The following SGCZ variants were observed in gnomAD, a reference collection of about 807,000 sequenced individuals.
SGCZ encodes the protein zeta-sarcoglycan.
In SGCZ, 40 loss-of-function variants were observed where a neutral mutation model predicts 41.3. The ratio of observed to expected loss-of-function variants is 0.97; its 90% CI spans 0.75 to 1.26. The LOEUF (loss-of-function observed/expected upper bound fraction) is 1.26, where lower values mean the gene tolerates loss of function less well. Among genes scored for constraint, SGCZ ranks in the 50% most tolerant of loss-of-function variants. SGCZ has a pLI of 0.00. For synonymous variants in SGCZ, 206 were observed against 137.5 expected, an observed-to-expected ratio of 1.50 and a Z score of -3.49; for missense variants, 552 against 369.8, an observed-to-expected ratio of 1.49 and a Z score of -4.04.
At chr8:14,170,460 G>A (rs1804344351) in intron 4 of SGCZ, among the ~76,000 whole-genome samples, 1 of 151,998 alleles carries the variant, frequency 6.6e-6, no homozygotes, top group South Asian at 2.1e-4. Flanking sequence ...TACCTAGCAA[G>A]CCATTTAATA....
chr8:15,014,879 A>C (rs1307899792), intron 1 of SGCZ, among the ~76,000 whole-genome samples: 1 of 152,212 alleles, frequency 6.6e-6, no homozygotes, highest in Non-Finnish European at 1.5e-5. Context: ...CTTTAGGCAA[A>C]AATAAGCTGG....
chr8:14,529,274 G>A (rs139556173), intron 2 of SGCZ, among the ~76,000 whole-genome samples: 1,824 of 152,180 alleles, frequency 0.012, 37 homozygotes, highest in African/African-American at 0.042. Flanking sequence ...GACACACCTG[G>A]GGAAAGCCCA....
At chr8:14,641,038 T>C (rs1419025792) in intron 1 of SGCZ, among the ~76,000 whole-genome samples, 1 of 151,646 alleles carries the variant, frequency 6.6e-6, no homozygotes, top group East Asian at 1.9e-4. Flanking sequence ...TAGAAAATTA[T>C]AAACAGGAAG....
At chr8:15,017,360 C>T (rs764089287) in intron 1 of SGCZ, among the ~76,000 whole-genome samples, 21 of 152,316 alleles carry the variant, frequency 1.4e-4, no homozygotes, top group Admixed American at 5.2e-4. Flanking sequence ...TCACTGCACA[C>T]GTACAGTGAG....
At chr8:14,398,705 T>A (rs532245133) in intron 2 of SGCZ, among the ~76,000 whole-genome samples, 145 of 152,238 alleles carry the variant, frequency 9.5e-4, no homozygotes, top group African/African-American at 3.4e-3. Context: ...TCTTCCTGAT[T>A]TACAGAAATA....
At chr8:14,988,263 TA>T (rs33980927) in intron 1 of SGCZ, among the ~76,000 whole-genome samples, 1 of 151,590 alleles carries the variant, frequency 6.6e-6, no homozygotes, top group Non-Finnish European at 1.5e-5. Context: ...CTCCATCTTC[TA>T]AAAAAACTCT....
At chr8:14,559,615 A>G (rs1047335617) in intron 1 of SGCZ, among the ~76,000 whole-genome samples, 4 of 152,070 alleles carry the variant, frequency 2.6e-5, no homozygotes, top group Non-Finnish European at 4.4e-5. Flanking sequence ...TTGGTTTTCC[A>G]TCTTTTTGTT....
chr8:14,551,700 T>C (rs1177109398), intron 2 of SGCZ, among the ~76,000 whole-genome samples: 4 of 124,670 alleles, frequency 3.2e-5, no homozygotes, highest in East Asian at 2.3e-4. Context: ...CAGGAAATTA[T>C]TTATTTCTAT....
At chr8:14,554,947 A>T (rs1803988073) in intron 1 of SGCZ, 21 bp from the exon 2 acceptor site, 2 of 1,522,420 alleles carry the variant, frequency 1.3e-6, no homozygotes. Flanking sequence ...AAAAAGAAAG[A>T]AAGAGAAAGA....
intron 1 of SGCZ, among the ~76,000 whole-genome samples, chr8:14,755,003 T>C (rs1462867661): frequency 6.6e-6 from 1 of 152,240 alleles, no homozygotes; most frequent in Non-Finnish European, 1.5e-5. Flanking sequence ...GTTCTAGGAT[T>C]ACAGGCATCA....
chr8:15,118,858 C>A (rs1452471772), intron 1 of SGCZ, among the ~76,000 whole-genome samples: 1 of 152,114 alleles, frequency 6.6e-6, no homozygotes, highest in Non-Finnish European at 1.5e-5. Flanking sequence ...TAATACGATA[C>A]CTGCTGCTAT....
At chr8:14,807,389 A>T (rs1451730406) in intron 1 of SGCZ, among the ~76,000 whole-genome samples, 1 of 152,134 alleles carries the variant, frequency 6.6e-6, no homozygotes, top group East Asian at 1.9e-4. Context: ...AAGTCTCAGG[A>T]CACAAAATCA....
intron 2 of SGCZ, among the ~76,000 whole-genome samples, chr8:14,385,609 G>C (rs1804548018): frequency 6.6e-6 from 1 of 152,102 alleles, no homozygotes; most frequent in Non-Finnish European, 1.5e-5. Flanking sequence ...TTTGAGTGTA[G>C]AGATAATAGT....
chr8:15,237,546 C>A (rs745950583), intron 1 of SGCZ, 39 bp downstream of exon 1: 235 of 1,578,064 alleles, frequency 1.5e-4, no homozygotes, highest in Non-Finnish European at 1.9e-4. Context: ...CAGGGAGCGC[C>A]GAGAAGCGGC....
At chr8:14,668,826 G>C (rs1179700790) in intron 1 of SGCZ, among the ~76,000 whole-genome samples, 1 of 152,046 alleles carries the variant, frequency 6.6e-6, no homozygotes, top group African/African-American at 2.4e-5. Flanking sequence ...ATATATTTAA[G>C]GTATGCAGGT....
intron 1 of SGCZ, among the ~76,000 whole-genome samples, chr8:14,884,879 C>G (rs536350775): frequency 6.6e-6 from 1 of 152,056 alleles, no homozygotes; most frequent in Admixed American, 6.6e-5. Flanking sequence ...TGATACTAAA[C>G]TCACTGGTTC....
chr8:14,658,718 A>C (rs1427945209), intron 1 of SGCZ, among the ~76,000 whole-genome samples: 1 of 152,148 alleles, frequency 6.6e-6, no homozygotes, highest in Non-Finnish European at 1.5e-5. Context: ...GTATTAATAT[A>C]CTAATAATTT....
At chr8:15,210,653 G>T (rs1197567736) in intron 1 of SGCZ, among the ~76,000 whole-genome samples, 1 of 152,212 alleles carries the variant, frequency 6.6e-6, no homozygotes, top group African/African-American at 2.4e-5. Flanking sequence ...CCTATGCAAA[G>T]TATGAGCAAT....
At chr8:14,457,914 T>C (rs1211230011) in intron 2 of SGCZ, among the ~76,000 whole-genome samples, 1 of 152,120 alleles carries the variant, frequency 6.6e-6, no homozygotes, top group African/African-American at 2.4e-5. Flanking sequence ...GGGGCCCAGC[T>C]GCCTTTCCTC....
Sources: gnomAD v4.1 joint callset for allele counts (sites outside exome capture counted in the v4.1 genomes callset) on GRCh38, gnomAD v4.1.1 for gene constraint, MANE v1.5 for transcripts, NCBI Gene and HGNC (gene_info 2026-07-23, HGNC 2026-07-21) for gene names.